TASP1: variants seen among roughly 807,000 people sequenced by gnomAD.
TASP1 encodes threonine aspartase 1.
A neutral mutation model predicts 56.6 loss-of-function variants in TASP1; 16 were observed. The observed-to-expected ratio is 0.28, with a 90% CI of 0.19 to 0.43. The LOEUF (loss-of-function observed/expected upper bound fraction) is 0.43, where lower values mean the gene tolerates loss of function less well. Among genes scored for constraint, TASP1 ranks in the 20% least tolerant of loss-of-function variants. The pLI is 1.00. For missense variants in TASP1, 393 were observed against 511.6 expected, an observed-to-expected ratio of 0.77 and a Z score of 2.24; for synonymous variants, 179 against 184.2, an observed-to-expected ratio of 0.97 and a Z score of 0.23.
the TASP1 span, chr20:13,221,809 G>T: frequency 6.9e-7 from 1 of 1,457,384 alleles, no homozygotes. Context: ...TGCTGCTGCT[G>T]CTGGGGCTGC....
downstream of TASP1, among the ~76,000 whole-genome samples, chr20:13,384,599 C>T (rs2041150843): frequency 6.6e-6 from 1 of 152,224 alleles, no homozygotes; most frequent in African/African-American, 2.4e-5. Context: ...AAATTAAGTG[C>T]TGGGGAGGGG....
At chr20:13,316,860 A>T in the TASP1 span, among the ~76,000 whole-genome samples, 1 of 151,946 alleles carries the variant, frequency 6.6e-6, no homozygotes, top group Non-Finnish European at 1.5e-5. Flanking sequence ...AAGCTTTCCC[A>T]CTAAGATTAG....
the TASP1 span, among the ~76,000 whole-genome samples, chr20:13,197,991 T>A: frequency 5.9e-5 from 9 of 152,180 alleles, no homozygotes; most frequent in Non-Finnish European, 1.3e-4. Flanking sequence ...AGACAGAAAT[T>A]ACTTGTAAGA....
At chr20:13,299,829 A>C in the TASP1 span, 1 of 188,126 alleles carries the variant, frequency 5.3e-6, no homozygotes, top group Non-Finnish European at 1.1e-5. This position sits in a 1 kb window ranked among gnomAD's most constrained non-coding sequence, Gnocchi z 5.8. Flanking sequence ...TAAACGTTAT[A>C]AGCAGTTTTT....
the TASP1 span, chr20:13,153,955 C>T: frequency 1.2e-6 from 2 of 1,603,320 alleles, no homozygotes; most frequent in African/African-American, 1.3e-5. Context: ...ACCTTTACTT[C>T]CCTCTTTCTA....
intron 10 of TASP1, among the ~76,000 whole-genome samples, chr20:13,498,756 T>C (rs2043831275): frequency 7.2e-6 from 1 of 138,780 alleles, no homozygotes; most frequent in Non-Finnish European, 1.5e-5. Context: ...CACAATGAGA[T>C]ACCATCTCAC....
At chr20:13,570,953 C>G (rs2046692396) in intron 6 of TASP1, among the ~76,000 whole-genome samples, 4 of 152,082 alleles carry the variant, frequency 2.6e-5, no homozygotes, top group South Asian at 4.1e-4. Flanking sequence ...AAGTAGTAAA[C>G]TACATGATCA....
the TASP1 span, among the ~76,000 whole-genome samples, chr20:13,274,884 A>G: frequency 2.6e-5 from 4 of 152,216 alleles, no homozygotes; most frequent in Admixed American, 6.5e-5. Flanking sequence ...ATGGTCTCAG[A>G]CTACTAAACT....
At chr20:13,410,532 A>T (rs925201973) in intron 13 of TASP1, among the ~76,000 whole-genome samples, 3 of 152,166 alleles carry the variant, frequency 2.0e-5, no homozygotes, top group Non-Finnish European at 4.4e-5. Flanking sequence ...CAAGTGGGGT[A>T]AGATAATATC....
intron 8 of TASP1, among the ~76,000 whole-genome samples, chr20:13,558,556 T>C (rs972408861): frequency 2.6e-5 from 4 of 152,070 alleles, no homozygotes; most frequent in African/African-American, 9.7e-5. Flanking sequence ...AAGATTTAAG[T>C]ATACCTGTAA....
intron 8 of TASP1, among the ~76,000 whole-genome samples, chr20:13,553,551 C>T (rs1286127609): frequency 6.6e-6 from 1 of 151,790 alleles, no homozygotes; most frequent in African/African-American, 2.4e-5. Flanking sequence ...CTCTAAATAA[C>T]AAAAAAATAA....
At chr20:13,368,454 G>A in the TASP1 span, 3 of 152,150 alleles carry the variant, frequency 2.0e-5, no homozygotes, top group Admixed American at 2.0e-4. Context: ...GGTCAAATGA[G>A]ACATCAAAAA....
chr20:13,429,991 C>T (rs6105094), intron 12 of TASP1, among the ~76,000 whole-genome samples: 9,614 of 151,860 alleles, frequency 0.063, 452 homozygotes, highest in African/African-American at 0.13. Flanking sequence ...ATAATGGAGA[C>T]GGGACTGAGG....
chr20:13,143,821 T>A, the TASP1 span, among the ~76,000 whole-genome samples: 3 of 152,224 alleles, frequency 2.0e-5, no homozygotes, highest in African/African-American at 7.2e-5. Context: ...CTAGTATCTG[T>A]CTTTTGCCAA....
intron 4 of TASP1, among the ~76,000 whole-genome samples, chr20:13,608,767 C>G (rs1484271380): frequency 1.3e-5 from 2 of 152,252 alleles, no homozygotes; most frequent in Non-Finnish European, 2.9e-5. Context: ...GTTGGCCAAT[C>G]CTTGATCTAA....
chr20:13,179,175 G>T, the TASP1 span, among the ~76,000 whole-genome samples: 1 of 152,112 alleles, frequency 6.6e-6, no homozygotes, highest in East Asian at 1.9e-4. Flanking sequence ...CTAAATGTTG[G>T]AAATAATGTA....
the TASP1 span, among the ~76,000 whole-genome samples, chr20:13,362,808 A>ATATATATATATATATATATAT: frequency 8.7e-6 from 1 of 114,776 alleles, no homozygotes; most frequent in African/African-American, 3.1e-5. Context: ...AATAGCAAGA[A>ATATATATATATATATATATAT]ATATATATAT....
intron 1 of TASP1, 130 bp from the exon 2 acceptor site, chr20:13,630,282 G>A (rs1381191710): frequency 2.0e-6 from 1 of 498,074 alleles, no homozygotes; most frequent in South Asian, 3.8e-5. Flanking sequence ...TACAAAAAAG[G>A]TATCAAAGCT....
chr20:13,544,010 C>T (rs1317528702), intron 8 of TASP1, among the ~76,000 whole-genome samples: 2 of 152,166 alleles, frequency 1.3e-5, no homozygotes, highest in Admixed American at 1.3e-4. Context: ...AAATATTTGG[C>T]TGGTCCCCAT....
Sources: allele counts gnomAD v4.1 joint callset (sites outside exome capture counted in the v4.1 genomes callset), GRCh38; gene constraint gnomAD v4.1.1; non-coding constraint Gnocchi (gnomAD v3.1); transcripts MANE v1.5; gene names NCBI Gene and HGNC (gene_info 2026-07-23, HGNC 2026-07-21).